The following C10orf105 variants were observed in gnomAD, a reference collection of about 807,000 sequenced individuals.
C10orf105 encodes the protein chromosome 10 open reading frame 105.
A neutral mutation model predicts 0.6 loss-of-function variants in C10orf105; 2 were observed. The observed-to-expected ratio is 3.18, with a 90% CI of 1.30 to 10.01. The LOEUF is 10.01. Among genes scored for constraint, C10orf105 ranks in the 30% most tolerant of loss-of-function variants. The pLI is 0.04. For missense variants in C10orf105, 209 were observed against 191.4 expected, an observed-to-expected ratio of 1.09 and a Z score of -0.54; for synonymous variants, 95 against 82.4, an observed-to-expected ratio of 1.15 and a Z score of -0.83.
chr10:71,731,768 GCC>G (rs1427239378), intron 1 of C10orf105, among the ~76,000 whole-genome samples: 3 of 152,188 alleles, frequency 2.0e-5, no homozygotes, highest in Admixed American at 1.3e-4. Context: ...CCAAGGCCAA[GCC>G]CCAGAGGAAG....
chr10:71,731,907 G>A, intron 1 of C10orf105: 1 of 1,480,922 alleles, frequency 6.8e-7, no homozygotes, highest in East Asian at 2.4e-5. Context: ...CAGGGGGTAT[G>A]GGTGTGGCAG....
In C10orf105 at chr10:71,732,455, C is replaced by CT. The variant is rs368224876; in HGVS notation, c.-6+5272dup. 4.5e-5 allele frequency: 69 copies of CT among 1,526,406 alleles called. No individual in the cohort carries two copies. The African/African-American group carries it at 6.0e-4, about 13-fold the overall frequency. 94.6% of individuals were successfully genotyped at this position (1,526,406 alleles called of 1,614,324 possible). On this transcript the variant is annotated intron_variant, in intron 1 of 1. Coordinates refer to the C10orf105 transcript ENST00000398786. Reference sequence around the variant, plus strand: ...GAGCTCCTTCTGTGTGCACAGCACTCTCCTCTTTGTCATAAAATGTCCTTG... The same window carrying CT: ...GAGCTCCTTCTGTGTGCACAGCACTCTTCCTCTTTGTCATAAAATGTCCTTG...
upstream of C10orf105, among the ~76,000 whole-genome samples, chr10:71,720,024 C>T (rs540966817): frequency 1.5e-3 from 221 of 152,348 alleles, 1 homozygote; most frequent in African/African-American, 4.9e-3. Flanking sequence ...ACTGCCTCTG[C>T]GGCCCCATGG....
intron 1 of C10orf105, chr10:71,717,899 T>A (rs1866354665): frequency 6.6e-6 from 1 of 152,204 alleles, no homozygotes; most frequent in Admixed American, 6.5e-5. Flanking sequence ...AAACTTGATT[T>A]CAAAATAATG....
In C10orf105 at chr10:71,713,004, C is replaced by A; in HGVS notation, c.*2932G>T. On this transcript the variant is annotated 3_prime_UTR_variant, in exon 2 of 2. Coordinates refer to ENST00000441508, the MANE Select transcript of C10orf105 (RefSeq NM_001164375.3). ...CTCCCATCCCAGGGAGTGTGGGCCC[C>A]CAGGTTGCAGAGCTGAGGATAGGGC... 1 of 766,124 alleles carries A rather than the reference C, an allele frequency of 1.3e-6. No individual in the cohort carries two copies. The highest frequency in any genetic ancestry group is 1.5e-5 in the South Asian group (1 of 67,422). 47.5% of individuals were successfully genotyped at this position (766,124 alleles called of 1,614,324 possible).
At position 71,734,338 on chromosome 10, in the gene C10orf105, C is replaced by T. The variant is rs202166096; in HGVS notation, c.-6+3390G>A. ...ACGGCGGCCCCAAGGTGGACTCCAC[C>T]GTGGTGAGTGGGACCAGGGTGAGAG... On this transcript the variant is annotated intron_variant, in intron 1 of 1. Transcript: ENST00000398786. 1,388 of 1,606,092 alleles carry T rather than the reference C, an allele frequency of 8.6e-4. 6 individuals carry two copies. The East Asian group carries it at 0.015, about 18-fold the overall frequency.
intron 1 of C10orf105, among the ~76,000 whole-genome samples, chr10:71,731,290 C>T (rs1424556550): frequency 5.9e-5 from 9 of 152,252 alleles, no homozygotes; most frequent in Non-Finnish European, 1.3e-4. Context: ...TCCTTCATGT[C>T]AGCTACTCTG....
At chr10:71,717,562 A>C (rs1866329112) in intron 1 of C10orf105, 1 of 152,298 alleles carries the variant, frequency 6.6e-6, no homozygotes, top group Non-Finnish European at 1.5e-5. Context: ...CTTTTGGCTC[A>C]ATATGTCTGG....
intron 1 of C10orf105, chr10:71,732,733 A>ATCCTTCTGTTTT: frequency 8.6e-7 from 1 of 1,161,004 alleles, no homozygotes; most frequent in African/African-American, 1.6e-5. Flanking sequence ...GCAGGCTGGT[A>ATCCTTCTGTTTT]TCCTTCTGTT....
At chr10:71,730,340 G>C (rs1418703743) in intron 1 of C10orf105, 1 of 1,179,896 alleles carries the variant, frequency 8.5e-7, no homozygotes, top group Non-Finnish European at 1.2e-6. Context: ...ACAGGCCTGG[G>C]GTCCTAGAGG....
chr10:71,734,094 A>G, intron 1 of C10orf105: 1 of 708,350 alleles, frequency 1.4e-6, no homozygotes, highest in South Asian at 1.7e-5. Flanking sequence ...GGAATGTGAG[A>G]GAGAAGAAGG....
intron 1 of C10orf105, among the ~76,000 whole-genome samples, chr10:71,727,091 T>A (rs761477738): frequency 1.5e-4 from 23 of 152,250 alleles, no homozygotes; most frequent in African/African-American, 5.5e-4. Flanking sequence ...ACGTGCCCGA[T>A]ATTTTTCTAA....
At chr10:71,724,495 G>T (rs1439542058), upstream of C10orf105, among the ~76,000 whole-genome samples, 4 of 152,184 alleles carry the variant, frequency 2.6e-5, no homozygotes, top group African/African-American at 7.2e-5. Context: ...GTAGAGACAG[G>T]GTTTCACCGT....
chr10:71,723,521 G>A (rs1866657718), upstream of C10orf105, among the ~76,000 whole-genome samples: 1 of 152,212 alleles, frequency 6.6e-6, no homozygotes, highest in Admixed American at 6.5e-5. Context: ...GTGTGAATGA[G>A]CATGGAGCCA....
In C10orf105 at chr10:71,712,386, T is replaced by C. The variant is rs1013237335; in HGVS notation, c.*3550A>G. ...AATCCACTTGAGTGCCTCAGTTACC[T>C]CCTCTGTAAAATGGGGATGACAGTA... is the stretch of plus-strand genomic sequence containing the variant. On this transcript the variant is annotated 3_prime_UTR_variant, in exon 2 of 2. Transcript: ENST00000441508. The C allele has an allele frequency of 1.1e-5, 4 of 367,266 alleles. No homozygotes were observed. The highest frequency in any genetic ancestry group is 2.0e-5 in the Non-Finnish European group (4 of 200,450). The allele number at this position is 367,266 out of a possible 1,614,324, so 22.8% of individuals were successfully genotyped here.
Position 71,712,614 on chromosome 10 carries a change from T to C in C10orf105, c.*3322A>G, listed in dbSNP as rs1198788382. On this transcript the variant is annotated 3_prime_UTR_variant, in exon 2 of 2. Coordinates refer to ENST00000441508, the MANE Select transcript of C10orf105 (RefSeq NM_001164375.3). ...GGAGTGTGCAAAGTCACAGGAAGTG[T>C]GCCCCTCTCTCAGGCAGCTGCTAAC... is the stretch of plus-strand genomic sequence containing the variant. 6.2e-7 allele frequency: 1 copy of C among 1,602,000 alleles called. No homozygotes were observed. Among genetic ancestry groups the C allele is most frequent in the African/African-American group, 1.3e-5 (1 of 74,764 alleles).
chr10:71,734,933 T>G (rs150017222), intron 1 of C10orf105, among the ~76,000 whole-genome samples: 1 of 152,198 alleles, frequency 6.6e-6, no homozygotes, highest in African/African-American at 2.4e-5. Context: ...GGAAGACCAC[T>G]GAGGGCTCAT....
At chr10:71,729,139 T>C (rs934090749) in intron 1 of C10orf105, among the ~76,000 whole-genome samples, 2 of 152,166 alleles carry the variant, frequency 1.3e-5, no homozygotes, top group Non-Finnish European at 2.9e-5. Flanking sequence ...CTGGCCTCCA[T>C]AAACACCTTT....
intron 1 of C10orf105, among the ~76,000 whole-genome samples, chr10:71,728,376 G>A (rs1866909268): frequency 6.6e-6 from 1 of 152,074 alleles, no homozygotes; most frequent in African/African-American, 2.4e-5. Flanking sequence ...AAGCAGCGAT[G>A]CAGAGAAACT....
Sources: gnomAD v4.1 joint callset for allele counts (sites outside exome capture counted in the v4.1 genomes callset) on GRCh38, gnomAD v4.1.1 for gene constraint, MANE v1.5 for transcripts, NCBI Gene and HGNC (gene_info 2026-07-23, HGNC 2026-07-21) for gene names.